TCOF1: variants seen among roughly 807,000 people sequenced by gnomAD.
The protein encoded by TCOF1 is treacle ribosome biogenesis factor 1.
In TCOF1, 33 loss-of-function variants were observed where a neutral mutation model predicts 149.0. The observed-to-expected ratio is 0.22, with a 90% confidence interval of 0.17 to 0.30. The LOEUF is 0.30. Ranked by LOEUF, TCOF1 falls within the 10% of genes least tolerant of loss-of-function variation. The pLI is 1.00. For synonymous variants in TCOF1, 789 were observed against 738.8 expected, an observed-to-expected ratio of 1.07 and a Z score of -1.10; for missense variants, 1,728 against 1,840.7, an observed-to-expected ratio of 0.94 and a Z score of 1.12.
intron 17 of TCOF1, among the ~76,000 whole-genome samples, chr5:150,386,956 AAGAT>A (rs1411723729): frequency 6.6e-6 from 1 of 152,178 alleles, no homozygotes; most frequent in African/African-American, 2.4e-5. Flanking sequence ...AGCATACCCA[AAGAT>A]AGATAATGTA....
chr5:150,375,867 T>C lies in TCOF1; in HGVS notation c.1851T>C (p.Ser617=). The C allele has an allele frequency of 6.2e-7, 1 of 1,614,084 alleles. No homozygotes were observed. The highest frequency in any genetic ancestry group is 8.5e-7 in the Non-Finnish European group (1 of 1,179,990). Residue 617 remains serine (S), a synonymous_variant, in exon 12 of 27, where the codon AGT becomes AGC. Coordinates refer to ENST00000643257, the MANE Select transcript of TCOF1 (RefSeq NM_001371623.1). The part of the protein sequence containing the change: ...NSESSEESSD[S]ADSEEAPAAM... Reference sequence around the variant, plus strand: ...AGAGCAGCGAGGAGTCATCGGACAGTGCGGACAGTGAGGAGGCACCAGCAG... The same window carrying C: ...AGAGCAGCGAGGAGTCATCGGACAGCGCGGACAGTGAGGAGGCACCAGCAG...
rs749546060 is a variant in TCOF1 at position 150,375,515 on chromosome 5, C to T, written c.1665C>T (p.Ser555=). ...GCAGTAGTGAGGAGTCATCAGACAG[C>T]AGTGATGGAGAGGTGCCCACAGCTG... The part of the protein sequence containing the change: ...SESSSEESSD[S]SDGEVPTAVA... Residue 555 remains serine, a synonymous_variant, in exon 11 of 27, where the codon AGC becomes AGT. Coordinates refer to ENST00000643257, the MANE Select transcript of TCOF1 (RefSeq NM_001371623.1). 3.1e-6 allele frequency: 5 copies of T among 1,614,070 alleles called. No homozygotes were observed. Among genetic ancestry groups the T allele is most frequent in the Non-Finnish European group, 4.2e-6 (5 of 1,180,020 alleles).
chr5:150,397,538 G>A (rs888414371), intron 24 of TCOF1, among the ~76,000 whole-genome samples: 2 of 152,158 alleles, frequency 1.3e-5, no homozygotes, highest in Non-Finnish European at 2.9e-5. Context: ...TGCGGCTCGG[G>A]CTCGGAGAAG....
In TCOF1 at chr5:150,372,213, G is replaced by A. The variant is rs1762701050; in HGVS notation, c.847G>A (p.Ala283Thr). ...GGAGGGATCTGAAAGTGAGGAGGAG[G>A]CCCCTGCAGGGACACGAAGCCAGGT... Reference protein sequence around the residue: ...SEEGSESEEEAPAGTRSQVKA... With the variant: ...SEEGSESEEETPAGTRSQVKA... Residue 283 changes from alanine to threonine, a missense_variant, in exon 7 of 27, where the codon GCC (alanine) becomes ACC (threonine). This residue lies in a region of TCOF1 where 1,696 missense variants were observed against 1,765.4 expected (regional missense o/e 0.96). Coordinates refer to ENST00000643257, the MANE Select transcript of TCOF1 (RefSeq NM_001371623.1). The A allele has an allele frequency of 6.2e-7, 1 of 1,612,498 alleles. No individual in the cohort carries two copies. The highest frequency in any genetic ancestry group is 8.5e-7 in the Non-Finnish European group (1 of 1,179,452).
Position 150,395,719 on chromosome 5 carries a change from G to T in TCOF1, c.3785-563G>T, listed in dbSNP as rs554186856. On this transcript the variant is annotated intron_variant, in intron 23 of 26. Coordinates refer to ENST00000643257, the MANE Select transcript of TCOF1 (RefSeq NM_001371623.1). ...CACCTTGCCTGGACCCCCTGACCAG[G>T]AAGGGCCGAGTGTGGGTAATCATCA... Among the ~76,000 whole-genome samples the T allele has an allele frequency of 1.1e-3, 172 of 152,276 alleles. 1 individual carries two copies. The highest frequency in any genetic ancestry group is 4.1e-3 in the African/African-American group (170 of 41,566).
chr5:150,377,708 C>T (rs957822482), intron 14 of TCOF1, among the ~76,000 whole-genome samples: 3 of 152,166 alleles, frequency 2.0e-5, no homozygotes, highest in African/African-American at 7.2e-5. Context: ...CTACTCTTTC[C>T]CAAGCTGCAG....
chr5:150,396,696 T>A lies in TCOF1; in HGVS notation c.4199T>A (p.Val1400Asp). ...AAGAGAGACAAAGCAAGTGGTGATG[T>A]CAAGGAGAAGAAAGGGAAGGGGTCT... ...KAKRDKASGD[V>D]KEKKGKGSLG... The change falls in exon 24 of 27, where the codon GTC becomes GAC. Residue 1400 changes from valine (V) to aspartate (D), a missense_variant. Val to Asp is a radical substitution (Grantham distance 152). Coordinates refer to ENST00000643257, the MANE Select transcript of TCOF1 (RefSeq NM_001371623.1). 6.2e-7 allele frequency: 1 copy of A among 1,612,448 alleles called. No individual in the cohort carries two copies. Among genetic ancestry groups the A allele is most frequent in the Non-Finnish European group, 8.5e-7 (1 of 1,179,454 alleles).
chr5:150,379,469 GC>G (rs1405969036), intron 16 of TCOF1, 61 bp downstream of exon 16: 5 of 1,614,018 alleles, frequency 3.1e-6, no homozygotes, highest in Non-Finnish European at 4.2e-6. Context: ...GCCACATCCA[GC>G]TCCTGTCTTC....
Position 150,376,563 on chromosome 5 carries a change from C to T in TCOF1, c.2283C>T (p.Asp761=), listed in dbSNP as rs1763852978. 3.1e-6 allele frequency: 5 copies of T among 1,599,302 alleles called. No individual in the cohort carries two copies. The highest frequency in any genetic ancestry group is 1.7e-6 in the Non-Finnish European group (2 of 1,172,722). ...AGGTGAAAGCTGAAAAGCAGGAAGA[C>T]TCTGAGAGCAGTGAGGAGGAATCAG... ...VTQVKAEKQE[D]SESSEEESDS... is the part of the protein sequence containing the mutation. Residue 761 remains aspartate, a synonymous_variant, in exon 14 of 27, where the codon GAC becomes GAT. Transcript: ENST00000643257.
intron 23 of TCOF1, 123 bp downstream of exon 23, chr5:150,393,675 A>C: frequency 7.6e-7 from 1 of 1,321,366 alleles, no homozygotes; most frequent in Non-Finnish European, 1.1e-6. Context: ...GAGCCTCTCC[A>C]AGTGAGACCT....
Position 150,368,148 on chromosome 5 carries a change from C to T in TCOF1, c.378+231C>T, listed in dbSNP as rs1581065786. On this transcript the variant is annotated intron_variant, in intron 4 of 26. Transcript: ENST00000643257. ...GCTGCAGTGGGCCACTGGGCACATT[C>T]TACACCTGGGGTAGGCGATTTCTTT... is the stretch of plus-strand genomic sequence containing the variant. 5 of 534,194 alleles carry T rather than the reference C, an allele frequency of 9.4e-6. No individual in the cohort carries two copies. The Admixed American group carries it at 1.6e-4, about 17-fold the overall frequency. 33.1% of individuals were successfully genotyped at this position (534,194 alleles called of 1,614,324 possible).
chr5:150,395,499 G>A (rs887481148), intron 23 of TCOF1, among the ~76,000 whole-genome samples: 2 of 151,884 alleles, frequency 1.3e-5, no homozygotes, highest in East Asian at 1.9e-4. Context: ...TGTGAGAGGC[G>A]GTGCGACAAG....
chr5:150,371,490 GCA>G (rs1007137207), intron 6 of TCOF1, among the ~76,000 whole-genome samples: 1 of 152,182 alleles, frequency 6.6e-6, no homozygotes, highest in African/African-American at 2.4e-5. Flanking sequence ...TAGAAGTAGG[GCA>G]CTGACTGCCT....
At chr5:150,358,903 G>T (rs991556896) in intron 1 of TCOF1, among the ~76,000 whole-genome samples, 4 of 151,892 alleles carry the variant, frequency 2.6e-5, no homozygotes, top group African/African-American at 9.7e-5. Flanking sequence ...AATGCCTTGT[G>T]GTGGGAGGGA....
intron 21 of TCOF1, 90 bp from the exon 22 acceptor site, chr5:150,392,615 C>T: frequency 7.6e-7 from 1 of 1,314,860 alleles, no homozygotes; most frequent in Non-Finnish European, 1.1e-6. Flanking sequence ...GAGGGACCTG[C>T]AGAGAGACCA....
At position 150,369,611 on chromosome 5, in the gene TCOF1, C is replaced by T. The variant is rs368113675; in HGVS notation, c.639+9C>T. ...ATGAGACAGACGTGGAGGTAATTGCCACCCATCCCTAGGAGTTGCCCTCTC... is the reference window on the plus strand; with the variant it reads ...ATGAGACAGACGTGGAGGTAATTGCTACCCATCCCTAGGAGTTGCCCTCTC... On this transcript the variant is annotated intron_variant, in intron 6 of 26. Transcript: ENST00000643257. 2.9e-5 allele frequency: 46 copies of T among 1,613,962 alleles called. No homozygotes were observed. The South Asian group carries it at 3.0e-4, about 10-fold the overall frequency.
chr5:150,363,706 G>T (rs940053237), intron 2 of TCOF1, among the ~76,000 whole-genome samples: 1 of 152,168 alleles, frequency 6.6e-6, no homozygotes, highest in African/African-American at 2.4e-5. Context: ...CTCTCTTGGG[G>T]GGCTACATTA....
At chr5:150,395,503 C>T (rs1043599327) in intron 23 of TCOF1, among the ~76,000 whole-genome samples, 3 of 151,362 alleles carry the variant, frequency 2.0e-5, no homozygotes, top group Non-Finnish European at 2.9e-5. Context: ...AGAGGCGGTG[C>T]GACAAGGAGA....
chr5:150,364,608 A>G, intron 3 of TCOF1, among the ~76,000 whole-genome samples: 1 of 152,184 alleles, frequency 6.6e-6, no homozygotes, highest in East Asian at 1.9e-4. Flanking sequence ...CAGCTAGCGG[A>G]CACATTTTCT....
Sources: allele counts gnomAD v4.1 joint callset (sites outside exome capture counted in the v4.1 genomes callset), GRCh38; gene constraint gnomAD v4.1.1; regional missense constraint gnomAD v4.1.1; transcripts MANE v1.5; gene names NCBI Gene and HGNC (gene_info 2026-07-23, HGNC 2026-07-21).